GTF2F2: variants seen among roughly 807,000 people sequenced by gnomAD.
The protein encoded by GTF2F2 is general transcription factor IIF subunit 2.
Under a neutral mutation model 42.2 loss-of-function variants are expected in GTF2F2, and 23 were observed. The observed-to-expected ratio is 0.55, with a 90% CI of 0.39 to 0.77. The LOEUF (loss-of-function observed/expected upper bound fraction) is 0.77, where lower values mean the gene tolerates loss of function less well. Among genes scored for constraint, GTF2F2 ranks in the 30% least tolerant of loss-of-function variants. The pLI, the probability that GTF2F2 is intolerant of heterozygous loss-of-function variation, is 0.00. For missense variants in GTF2F2, 261 were observed against 287.2 expected, an observed-to-expected ratio of 0.91 and a Z score of 0.66; for synonymous variants, 105 against 100.8, an observed-to-expected ratio of 1.04 and a Z score of -0.25.
At chr13:45,120,997 A>G (rs1192439160) in intron 1 of GTF2F2, among the ~76,000 whole-genome samples, 1 of 152,162 alleles carries the variant, frequency 6.6e-6, no homozygotes, top group Non-Finnish European at 1.5e-5. Flanking sequence ...TGGTGTCCCC[A>G]GATTTGGACG....
rs1051398790 is a variant in GTF2F2 at position 45,283,686 on chromosome 13, G to A, written c.*125G>A. ...AAGTGACAGTACTTTGATTTCTCTC[G>A]GTAAATTTTTTAAACCTGTAATTCT... On this transcript the variant is annotated 3_prime_UTR_variant, in exon 8 of 8. Coordinates refer to ENST00000340473, the MANE Select transcript of GTF2F2 (RefSeq NM_004128.3). 1.3e-5 allele frequency: 9 copies of A among 710,962 alleles called. No homozygotes were observed. Among genetic ancestry groups the A allele is most frequent in the South Asian group, 4.9e-5 (1 of 20,306 alleles). The allele number at this position is 710,962 out of a possible 1,614,324, so 44.0% of individuals were successfully genotyped here.
intron 4 of GTF2F2, among the ~76,000 whole-genome samples, chr13:45,171,701 C>T (rs1042391925): frequency 1.3e-5 from 2 of 152,162 alleles, no homozygotes; most frequent in Non-Finnish European, 2.9e-5. Flanking sequence ...TCCATCACCA[C>T]AGGTTTAGAT....
intron 5 of GTF2F2, among the ~76,000 whole-genome samples, chr13:45,214,122 G>A (rs73183405): frequency 0.013 from 1,967 of 152,160 alleles, 16 homozygotes; most frequent in Non-Finnish European, 0.021. Flanking sequence ...ATCACAAAGT[G>A]TATTTCACAT....
At chr13:45,125,519 T>C (rs1868944610) in intron 1 of GTF2F2, among the ~76,000 whole-genome samples, 1 of 151,976 alleles carries the variant, frequency 6.6e-6, no homozygotes, top group South Asian at 2.1e-4. Context: ...GGGGTTTCAC[T>C]GTGTTGGCCA....
chr13:45,250,678 A>G (rs1273659527), intron 5 of GTF2F2, among the ~76,000 whole-genome samples: 1 of 152,152 alleles, frequency 6.6e-6, no homozygotes, highest in Non-Finnish European at 1.5e-5. Context: ...GGAGAATGGT[A>G]AGGAGAACTG....
At chr13:45,219,461 C>T (rs1365768802) in intron 5 of GTF2F2, 2 of 152,078 alleles carry the variant, frequency 1.3e-5, no homozygotes, top group African/African-American at 4.8e-5. Context: ...ACCATGGTTC[C>T]GTTACATTAT....
intron 7 of GTF2F2, among the ~76,000 whole-genome samples, chr13:45,277,717 C>G (rs1440692433): frequency 6.6e-6 from 1 of 152,204 alleles, no homozygotes; most frequent in Non-Finnish European, 1.5e-5. Flanking sequence ...GAGTTGCAGT[C>G]ATTCACACAA....
At chr13:45,238,172 C>T (rs914869397) in intron 5 of GTF2F2, among the ~76,000 whole-genome samples, 2 of 152,166 alleles carry the variant, frequency 1.3e-5, no homozygotes, top group Non-Finnish European at 2.9e-5. Context: ...CCAGGCTGGT[C>T]TTAAACTCCC....
At chr13:45,131,206 C>T (rs561386390) in intron 1 of GTF2F2, among the ~76,000 whole-genome samples, 1 of 148,928 alleles carries the variant, frequency 6.7e-6, no homozygotes, top group Admixed American at 6.7e-5. Flanking sequence ...GAAACTCAGT[C>T]TCAGAAAAAA....
intron 5 of GTF2F2, among the ~76,000 whole-genome samples, chr13:45,230,633 A>G (rs1389214977): frequency 6.6e-6 from 1 of 152,250 alleles, no homozygotes; most frequent in Non-Finnish European, 1.5e-5. Context: ...AACTAAAACT[A>G]GTACTGCTTA....
intron 4 of GTF2F2, among the ~76,000 whole-genome samples, chr13:45,202,833 A>G (rs1289954926): frequency 6.6e-6 from 1 of 152,058 alleles, no homozygotes; most frequent in Non-Finnish European, 1.5e-5. Context: ...CACGCCTGTA[A>G]TCCCAGCACC....
chr13:45,180,369 T>C (rs969969758), intron 4 of GTF2F2, among the ~76,000 whole-genome samples: 2 of 152,216 alleles, frequency 1.3e-5, no homozygotes, highest in African/African-American at 4.8e-5. Context: ...AATTTTAGTC[T>C]ATACTATAGA....
Position 45,246,724 on chromosome 13 carries a change from T to TAAA in GTF2F2, c.387-6147_387-6146insAAA, listed in dbSNP as rs1406585758. ...CTACTTGCCTTCCTAGATTTTACTCTGTGTAAATTCACTTTAAAATTAAGC... is the reference window on the plus strand; with the variant it reads ...CTACTTGCCTTCCTAGATTTTACTCTAAAGTGTAAATTCACTTTAAAATTAAGC... On this transcript the variant is annotated intron_variant, in intron 5 of 7. Coordinates refer to ENST00000340473, the MANE Select transcript of GTF2F2 (RefSeq NM_004128.3). Among the ~76,000 whole-genome samples the TAAA allele has an allele frequency of 6.3e-3, 966 of 152,316 alleles. 10 individuals carry two copies. Among genetic ancestry groups the TAAA allele is most frequent in the African/African-American group, 0.022 (924 of 41,574 alleles).
intron 1 of GTF2F2, chr13:45,124,102 G>T: frequency 1.2e-6 from 1 of 818,904 alleles, no homozygotes; most frequent in South Asian, 1.3e-5. Context: ...ACTTGACAAA[G>T]TGGTCGTTGA....
rs1869638862 is a variant in GTF2F2, at chr13:45,136,663, A to G, written c.67-70A>G. 7 of 805,070 alleles carry G rather than the reference A, an allele frequency of 8.7e-6. No homozygotes were observed. In the East Asian group the frequency reaches 1.8e-4, roughly 20 times the overall value. The allele number at this position is 805,070 out of a possible 1,614,324, so 49.9% of individuals were successfully genotyped here. A position where few individuals can be genotyped will look rare whatever the true frequency, so the allele number is the denominator to read the frequency against. ...GAGGCAGAAAATAAAAATAGAAGCA[A>G]TATATCATTTTATGTTTGAAAAGAT... On this transcript the variant is annotated intron_variant, in intron 1 of 7. Coordinates refer to ENST00000340473, the MANE Select transcript of GTF2F2 (RefSeq NM_004128.3).
intron 6 of GTF2F2, among the ~76,000 whole-genome samples, chr13:45,258,173 A>G (rs1333775439): frequency 6.6e-6 from 1 of 151,856 alleles, no homozygotes; most frequent in South Asian, 2.1e-4. Context: ...ATGGCTTGTC[A>G]TGCCCTGTCT....
chr13:45,252,811 A>C (rs1875933491), intron 5 of GTF2F2, 60 bp from the exon 6 acceptor site: 1 of 718,472 alleles, frequency 1.4e-6, no homozygotes, highest in South Asian at 1.8e-5. Context: ...AGAAATAATA[A>C]CTCTTCATAT....
At chr13:45,268,250 C>T (rs1876651139) in intron 7 of GTF2F2, among the ~76,000 whole-genome samples, 1 of 152,096 alleles carries the variant, frequency 6.6e-6, no homozygotes, top group Non-Finnish European at 1.5e-5. Context: ...TCTGTTGATT[C>T]TTGCTGCTCC....
At chr13:45,178,662 T>G (rs138626924) in intron 4 of GTF2F2, among the ~76,000 whole-genome samples, 1 of 152,302 alleles carries the variant, frequency 6.6e-6, no homozygotes, top group Non-Finnish European at 1.5e-5. Context: ...AACATGTGAC[T>G]TTAAATGAAA....
Sources: gnomAD v4.1 joint callset for allele counts (sites outside exome capture counted in the v4.1 genomes callset) on GRCh38, gnomAD v4.1.1 for gene constraint, MANE v1.5 for transcripts, NCBI Gene and HGNC (gene_info 2026-07-23, HGNC 2026-07-21) for gene names.